ZC3H4: variants seen among roughly 807,000 people sequenced by gnomAD.
The protein encoded by ZC3H4 is zinc finger CCCH-type containing 4.
Under a neutral mutation model 108.3 loss-of-function variants are expected in ZC3H4, and 13 were observed. The ratio of observed to expected loss-of-function variants is 0.12; its 90% CI spans 0.08 to 0.19. ZC3H4 has a LOEUF of 0.19. Ranked by LOEUF, ZC3H4 falls within the 10% of genes least tolerant of loss-of-function variation. ZC3H4 has a pLI of 1.00. For missense variants in ZC3H4, 1,734 were observed against 1,838.8 expected (o/e 0.94, Z 1.04); for synonymous variants, 917 against 749.6 (o/e 1.22, Z -3.65).
chr19:47,097,839 T>C (rs2057846805), intron 2 of ZC3H4, among the ~76,000 whole-genome samples: 1 of 152,212 alleles, frequency 6.6e-6, no homozygotes, highest in African/African-American at 2.4e-5. Flanking sequence ...AAGCCTGCCG[T>C]GGCGGCCTGT....
chr19:47,089,918 C>A, intron 5 of ZC3H4, 49 bp downstream of exon 5: 1 of 1,605,308 alleles, frequency 6.2e-7, no homozygotes. Flanking sequence ...CGGGGTTGGC[C>A]CGGGTGGCTC....
Position 47,112,536 on chromosome 19 carries a change from G to T in ZC3H4, c.49C>A (p.Pro17Thr). 2 of 1,059,510 alleles carry T rather than the reference G, an allele frequency of 1.9e-6. No homozygotes were observed. The highest frequency in any genetic ancestry group is 1.2e-6 in the Non-Finnish European group (1 of 823,584). 65.6% of individuals were successfully genotyped at this position (1,059,510 alleles called of 1,614,324 possible). The change falls in exon 2 of 15, where the codon CCG (proline) becomes ACG (threonine). Residue 17 changes from proline (P) to threonine (T), a missense_variant. Coordinates refer to ENST00000253048, the MANE Select transcript of ZC3H4 (RefSeq NM_015168.2). ...GATGGCGGCGGCGGCGATGGCGGCG[G>T]CGGCGACTCTGATGGCGGCGGCGGG... ...TPPPPPSESP[P>T]PPSPPPPSTP...
chr19:47,086,014 C>T (rs1220470663), intron 6 of ZC3H4, among the ~76,000 whole-genome samples: 1 of 152,052 alleles, frequency 6.6e-6, no homozygotes, highest in East Asian at 1.9e-4. Flanking sequence ...ACTACAGGCG[C>T]GTGCTACCAC....
At chr19:47,098,835 T>C (rs181720485) in intron 2 of ZC3H4, among the ~76,000 whole-genome samples, 88 of 152,354 alleles carry the variant, frequency 5.8e-4, no homozygotes, top group Middle Eastern at 3.4e-3. Context: ...AGATATTTCA[T>C]ACTGCCTCAT....
intron 2 of ZC3H4, among the ~76,000 whole-genome samples, chr19:47,103,535 T>C (rs2123073820): frequency 6.6e-6 from 1 of 151,698 alleles, no homozygotes; most frequent in Middle Eastern, 3.4e-3. Flanking sequence ...TGTAATCTCA[T>C]TACTTTGGGA....
At chr19:47,110,382 C>T (rs2058022580) in intron 2 of ZC3H4, among the ~76,000 whole-genome samples, 1 of 152,126 alleles carries the variant, frequency 6.6e-6, no homozygotes, top group African/African-American at 2.4e-5. Context: ...TGAAAACATA[C>T]GGGCCTTTTA....
chr19:47,106,366 A>G (rs950419910), intron 2 of ZC3H4, among the ~76,000 whole-genome samples: 4 of 152,174 alleles, frequency 2.6e-5, no homozygotes, highest in Admixed American at 2.0e-4. Context: ...GGATCATTGA[A>G]GCCAAGAGTT....
intron 13 of ZC3H4, among the ~76,000 whole-genome samples, chr19:47,070,726 C>T (rs1428207285): frequency 6.6e-6 from 1 of 152,206 alleles, no homozygotes; most frequent in Non-Finnish European, 1.5e-5. Flanking sequence ...GCCTGGGCCT[C>T]TCCCAATGCC....
In ZC3H4 at chr19:47,067,591, C is replaced by G. The variant is rs2057238450; in HGVS notation, c.2677G>C (p.Ala893Pro). The G allele has an allele frequency of 5.0e-6, 8 of 1,604,754 alleles. No homozygotes were observed. Among genetic ancestry groups the G allele is most frequent in the Non-Finnish European group, 6.8e-6 (8 of 1,176,716 alleles). Reference protein sequence around the residue: ...GDSGPSDPRLARALPTSKPEG... With the variant: ...GDSGPSDPRLPRALPTSKPEG... ...GGCTTGGAGGTGGGCAGGGCGCGAG[C>G]CAGCCGAGGATCGGAGGGTCCCGAA... The change falls in exon 15 of 15, where the codon GCT becomes CCT. Residue 893 changes from alanine to proline, a missense_variant. This residue lies in a region of ZC3H4 where 540 missense variants were observed against 484.1 expected (regional missense o/e 1.12). Coordinates refer to ENST00000253048, the MANE Select transcript of ZC3H4 (RefSeq NM_015168.2). The surrounding 1 kb of genome is among the most constrained non-coding windows in gnomAD (Gnocchi z 6.4).
rs564084757 is a variant in ZC3H4 at position 47,096,330 on chromosome 19, T to C, written c.162-1722A>G. 1.7e-4 allele frequency among the ~76,000 whole-genome samples: 26 copies of C among 152,252 alleles called. 1 individual carries two copies. In the South Asian group the frequency reaches 5.4e-3, roughly 32 times the overall value. On this transcript the variant is annotated intron_variant, in intron 2 of 14. Transcript: ENST00000253048. Reference sequence around the variant, plus strand: ...GTGTTGCTTCCCCGACTAGCAAACTTGGAATGGGGCGGGGGTGCAGGCTGC... The same window carrying C: ...GTGTTGCTTCCCCGACTAGCAAACTCGGAATGGGGCGGGGGTGCAGGCTGC...
rs1422116521 is a variant in ZC3H4 at position 47,065,524 on chromosome 19, C to CTGAT, written c.*828_*831dup. The CTGAT allele has an allele frequency of 6.6e-6, 1 of 152,668 alleles. No homozygotes were observed. The highest frequency in any genetic ancestry group is 2.4e-5 in the African/African-American group (1 of 41,396). The allele number at this position is 152,668 out of a possible 1,614,324, so 9.5% of individuals were successfully genotyped here. A position where few individuals can be genotyped will look rare whatever the true frequency, so the allele number is the denominator to read the frequency against. ...TGTGGGCAAGCAGGGTGTGGCCCACCTGATAGGACAGGTGGGGTAATACTG... is the reference window on the plus strand; with the variant it reads ...TGTGGGCAAGCAGGGTGTGGCCCACCTGATTGATAGGACAGGTGGGGTAATACTG... On this transcript the variant is annotated 3_prime_UTR_variant, in exon 15 of 15. Coordinates refer to ENST00000253048, the MANE Select transcript of ZC3H4 (RefSeq NM_015168.2).
chr19:47,112,819 G>A (rs982355407), intron 1 of ZC3H4, among the ~76,000 whole-genome samples: 1 of 152,068 alleles, frequency 6.6e-6, no homozygotes, highest in African/African-American at 2.4e-5. Context: ...CACTGGCGCG[G>A]GGCCCTCATA....
At chr19:47,106,484 TG>T (rs1407171160) in intron 2 of ZC3H4, among the ~76,000 whole-genome samples, 1 of 152,236 alleles carries the variant, frequency 6.6e-6, no homozygotes, top group East Asian at 1.9e-4. Context: ...CTTTTGGCTC[TG>T]GAGTTCACTC....
At chr19:47,099,090 CT>C (rs1287418103) in intron 2 of ZC3H4, among the ~76,000 whole-genome samples, 8 of 152,204 alleles carry the variant, frequency 5.3e-5, no homozygotes, top group Admixed American at 5.2e-4. Context: ...TAAAAACCAG[CT>C]AGCATGAGGG....
At chr19:47,083,322 AAGAGAG>A (rs796657173) in intron 9 of ZC3H4, among the ~76,000 whole-genome samples, 2 of 148,766 alleles carry the variant, frequency 1.3e-5, no homozygotes, top group Non-Finnish European at 3.0e-5. Flanking sequence ...AAAAAAAAAA[AAGAGAG>A]AGAGAGAGAG....
intron 2 of ZC3H4, chr19:47,096,748 A>G: frequency 4.2e-6 from 4 of 953,598 alleles, no homozygotes; most frequent in Non-Finnish European, 5.0e-6. Flanking sequence ...GGACATGATC[A>G]CCACCCAGGC....
chr19:47,091,906 G>T (rs545567178), intron 4 of ZC3H4, among the ~76,000 whole-genome samples: 278 of 151,620 alleles, frequency 1.8e-3, no homozygotes, highest in Middle Eastern at 3.4e-3. Context: ...ATAAATGAAT[G>T]AATGAACGCA....
chr19:47,098,498 A>C (rs2057858000), intron 2 of ZC3H4, among the ~76,000 whole-genome samples: 1 of 150,778 alleles, frequency 6.6e-6, no homozygotes, highest in Non-Finnish European at 1.5e-5. Flanking sequence ...AAAAAAAAAA[A>C]AAAAAAACTA....
chr19:47,095,633 C>T (rs1359411051), intron 2 of ZC3H4, among the ~76,000 whole-genome samples: 12 of 152,072 alleles, frequency 7.9e-5, no homozygotes, highest in Non-Finnish European at 1.5e-5. Flanking sequence ...ATGTAAATAT[C>T]TATGGGGTGG....
Sources: allele counts gnomAD v4.1 joint callset (sites outside exome capture counted in the v4.1 genomes callset), GRCh38; gene constraint gnomAD v4.1.1; regional missense constraint gnomAD v4.1.1; non-coding constraint Gnocchi (gnomAD v3.1); transcripts MANE v1.5; gene names NCBI Gene and HGNC (gene_info 2026-07-23, HGNC 2026-07-21).